The following IGSF1 variants were observed in gnomAD, a reference collection of about 807,000 sequenced individuals.
IGSF1 encodes immunoglobulin superfamily member 1.
A neutral mutation model predicts 95.3 loss-of-function variants in IGSF1; 40 were observed. That is an observed-to-expected ratio of 0.42 (90% CI 0.33 to 0.55). The LOEUF is 0.55. Ranked by LOEUF, IGSF1 falls within the 20% of genes least tolerant of loss-of-function variation. The probability of loss-of-function intolerance (pLI) is 0.10; values close to 1 mark genes in which losing one functional copy is unlikely to be tolerated. For synonymous variants in IGSF1, 372 were observed against 382.9 expected (o/e 0.97, Z 0.33); for missense variants, 906 against 1,025.4 (o/e 0.88, Z 1.59).
At chrX:131,279,422 T>C (rs2124102950) in intron 9 of IGSF1, 81 bp from the exon 10 acceptor site, 1 of 777,755 alleles carries the variant, frequency 1.3e-6, no homozygotes, top group Non-Finnish European at 2.0e-6. Context: ...ATTTATGTCA[T>C]TGGCTTACTC....
intron 1 of IGSF1, 138 bp downstream of exon 1, chrX:131,289,076 G>C (rs5932879): frequency 2.9e-4 from 95 of 324,602 alleles, no homozygotes; most frequent in Non-Finnish European, 4.5e-4. Context: ...TGAAGCGGGT[G>C]GGGGGACAGA....
chrX:131,285,714 A>T (rs2080625078), intron 4 of IGSF1, 53 bp downstream of exon 4: 24 of 1,117,613 alleles, frequency 2.1e-5, no homozygotes, highest in Non-Finnish European at 2.8e-5. Context: ...CCTGGAAGGC[A>T]AGTTTGAATC....
At position 131,276,011 on chromosome X, in the gene IGSF1, A is replaced by G. The variant is rs750861873; in HGVS notation, c.2846T>C (p.Met949Thr). The change falls in exon 15 of 20, where the codon ATG (methionine) becomes ACG (threonine). Residue 949 changes from methionine to threonine, a missense_variant. Around this residue, in one of 5 missense-constraint regions of IGSF1, gnomAD observed 411 missense variants for 494.9 expected, o/e 0.83. Coordinates refer to ENST00000361420, the MANE Select transcript of IGSF1 (RefSeq NM_001555.5). ...NYSCIYYETT[M>T]SNRGSYLSMP... is the part of the protein sequence containing the mutation. ...ACTGAGATATGACCCCCTGTTTGAC[A>G]TGGTTGTCTCATAGTAGATACAGCT... The G allele has an allele frequency of 8.3e-7, 1 of 1,209,216 alleles. No individual in the cohort carries two copies. The highest frequency in any genetic ancestry group is 1.8e-5 in the African/African-American group (1 of 57,103).
At position 131,279,080 on chromosome X, in the gene IGSF1, C is replaced by T. The variant is rs759383786; in HGVS notation, c.1750+63G>A. The T allele has an allele frequency of 2.5e-5, 27 of 1,075,146 alleles. No homozygotes were observed. In the East Asian group the frequency reaches 4.2e-4, roughly 17 times the overall value. The allele number at this position is 1,075,146 out of a possible 1,213,427, so 88.6% of individuals were successfully genotyped here. A position where few individuals can be genotyped will look rare whatever the true frequency, so the allele number is the denominator to read the frequency against. ...GCCACTCCCTGGCCAATGACACTGACGCTCTGTAGTTATTTCGGATCTCCA... is the reference window on the plus strand; with the variant it reads ...GCCACTCCCTGGCCAATGACACTGATGCTCTGTAGTTATTTCGGATCTCCA... On this transcript the variant is annotated intron_variant, in intron 11 of 19. Transcript: ENST00000361420.
At position 131,289,118 on chromosome X, in the gene IGSF1, T is replaced by C. The variant is rs189932180; in HGVS notation, c.-68+96A>G. The C allele has an allele frequency of 2.4e-4, 87 of 360,064 alleles. 1 individual carries two copies. Among genetic ancestry groups the C allele is most frequent in the African/African-American group, 2.1e-3 (82 of 38,816 alleles). 29.7% of individuals were successfully genotyped at this position (360,064 alleles called of 1,213,427 possible). On this transcript the variant is annotated intron_variant, in intron 1 of 19. Coordinates refer to ENST00000361420, the MANE Select transcript of IGSF1 (RefSeq NM_001555.5). ...AGCAGTTTGATTTACGGCAATTAAT[T>C]ACAGCAAGGAGACTCTTTCGGGGTT...
At position 131,278,359 on chromosome X, in the gene IGSF1, G is replaced by A. The variant is rs151019604; in HGVS notation, c.2041+102C>T. Reference sequence around the variant, plus strand: ...TCCTACATGCAGCACGAGCCCCTTGGGCTCCAGGGTCCCTGTGAGTTCATT... The same window carrying A: ...TCCTACATGCAGCACGAGCCCCTTGAGCTCCAGGGTCCCTGTGAGTTCATT... On this transcript the variant is annotated intron_variant, in intron 12 of 19. Transcript: ENST00000361420. 3,179 of 836,029 alleles carry A rather than the reference G, an allele frequency of 3.8e-3. 114 individuals carry two copies. In the Admixed American group the frequency reaches 0.085, roughly 22 times the overall value. 68.9% of individuals were successfully genotyped at this position (836,029 alleles called of 1,213,427 possible). A position where few individuals can be genotyped will look rare whatever the true frequency, so the allele number is the denominator to read the frequency against.
At chrX:131,278,881 TTTCC>T (rs769264181) in intron 11 of IGSF1, 130 bp from the exon 12 acceptor site, 14 of 641,173 alleles carry the variant, frequency 2.2e-5, no homozygotes, top group Non-Finnish European at 3.1e-5. Context: ...CCTTTCCTTC[TTTCC>T]TTCCTTCCTC....
At position 131,286,643 on chromosome X, in the gene IGSF1, G is replaced by A. The variant is rs765682114; in HGVS notation, c.32C>T (p.Thr11Ile). Residue 11 changes from threonine to isoleucine, a missense_variant, in exon 2 of 20, where the codon ACC (threonine) becomes ATC (isoleucine). Physicochemically the swap from Thr to Ile is moderately conservative, Grantham distance 89. Transcript: ENST00000361420. ...CAAAACAGTGAATGTCTTCAGCATG[G>A]TGGCCCCCTCCCCTGGTCTGTCCAG... MTLDRPGEGA[T>I]MLKTFTVLLF... 3.4e-5 allele frequency: 41 copies of A among 1,202,636 alleles called. No homozygotes were observed. In the East Asian group the frequency reaches 1.2e-3, roughly 35 times the overall value.
At chrX:131,279,672 A>G (rs2080528365) in intron 9 of IGSF1, among the ~76,000 whole-genome samples, 1 of 107,168 alleles carries the variant, frequency 9.3e-6, no homozygotes, top group African/African-American at 3.4e-5. Context: ...TATTATTTGG[A>G]GCTCTCAGAA....
chrX:131,284,991 C>T, intron 5 of IGSF1, 188 bp downstream of exon 5: 1 of 811,980 alleles, frequency 1.2e-6, no homozygotes, highest in Non-Finnish European at 1.6e-6. Flanking sequence ...GATTGGCTCC[C>T]ATACATCTGC....
chrX:131,281,306 C>T lies in IGSF1; in HGVS notation c.1558G>A (p.Ala520Thr), dbSNP rs758546152. Residue 520 changes from alanine to threonine, a missense_variant, in exon 9 of 20, where the codon GCT becomes ACT. Ala to Thr is a moderately conservative substitution (Grantham distance 58, BLOSUM62 0). Coordinates refer to ENST00000361420, the MANE Select transcript of IGSF1 (RefSeq NM_001555.5). ...TGCATGATTAGAGACAACCTGATAGCTTCATTCAGAACGTAATTCCAGGTG... is the reference window on the plus strand; with the variant it reads ...TGCATGATTAGAGACAACCTGATAGTTTCATTCAGAACGTAATTCCAGGTG... ...YLTWNYVLNEAIRLSLIMQLV... is the reference protein window; with the variant it reads ...YLTWNYVLNETIRLSLIMQLV... 118 of 1,209,252 alleles carry T rather than the reference C, an allele frequency of 9.8e-5. No homozygotes were observed. The highest frequency in any genetic ancestry group is 1.3e-4 in the Non-Finnish European group (117 of 894,533).
At chrX:131,286,406 G>C (rs752060853) in intron 3 of IGSF1, 31 bp downstream of exon 3, 2 of 1,144,586 alleles carry the variant, frequency 1.7e-6, no homozygotes, top group South Asian at 1.8e-5. Flanking sequence ...CCTTTAGGAA[G>C]GAGGTGCCTG....
rs1189031149 is a variant in IGSF1 at position 131,282,944 on chromosome X, C to A, written c.952+36G>T. On this transcript the variant is annotated intron_variant, in intron 6 of 19. Transcript: ENST00000361420. The stretch of plus-strand genomic sequence containing the variant: ...ACAGAGGGAGATTTATATCCTTAGC[C>A]GTTAACCTAAGTTTCATGGCATACC... 8.0e-6 allele frequency: 9 copies of A among 1,122,555 alleles called. No homozygotes were observed. The South Asian group carries it at 1.7e-4, about 21-fold the overall frequency. The allele number at this position is 1,122,555 out of a possible 1,213,427, so 92.5% of individuals were successfully genotyped here. A position where few individuals can be genotyped will look rare whatever the true frequency, so the allele number is the denominator to read the frequency against.
chrX:131,277,005 T>C lies in IGSF1; in HGVS notation c.2542A>G (p.Ser848Gly). Reference sequence around the variant, plus strand: ...ATAGAAAAGTCATAATATCGGCAGCTGTAATTCCCTCCATCACCAATGCCC... The same window carrying C: ...ATAGAAAAGTCATAATATCGGCAGCCGTAATTCCCTCCATCACCAATGCCC... ...SVGIGDGGNY[S>G]CRYYDFSIWS... Residue 848 changes from serine to glycine, a missense_variant, in exon 14 of 20, where the codon AGC becomes GGC. Physicochemically the swap from Ser to Gly is moderately conservative, Grantham distance 56 (BLOSUM62 0). Transcript: ENST00000361420. 1 of 1,210,902 alleles carries C rather than the reference T, an allele frequency of 8.3e-7. No homozygotes were observed. The highest frequency in any genetic ancestry group is 1.1e-6 in the Non-Finnish European group (1 of 894,873).
At chrX:131,287,497 C>T (rs1300090385) in intron 1 of IGSF1, among the ~76,000 whole-genome samples, 2 of 110,718 alleles carry the variant, frequency 1.8e-5, no homozygotes, top group African/African-American at 3.3e-5. Context: ...TCATTCTTGT[C>T]TCCTACCCCT....
At position 131,286,625 on chromosome X, in the gene IGSF1, G is replaced by A. The variant is rs755509233; in HGVS notation, c.50C>T (p.Thr17Ile). ...CTCACGAATGCAAAAGAGCAAAACAGTGAATGTCTTCAGCATGGTGGCCCC... is the reference window on the plus strand; with the variant it reads ...CTCACGAATGCAAAAGAGCAAAACAATGAATGTCTTCAGCATGGTGGCCCC... The part of the protein sequence containing the change: ...GEGATMLKTF[T>I]VLLFCIRMSL... Residue 17 changes from threonine to isoleucine, a missense_variant, in exon 2 of 20, where the codon ACT becomes ATT. Around this residue, in one of 5 missense-constraint regions of IGSF1, gnomAD observed 442 missense variants for 448.1 expected, o/e 0.99. Transcript: ENST00000361420. 1 of 1,207,116 alleles carries A rather than the reference G, an allele frequency of 8.3e-7. No homozygotes were observed. The highest frequency in any genetic ancestry group is 1.1e-6 in the Non-Finnish European group (1 of 893,698).
Position 131,284,178 on chromosome X carries a change from A to G in IGSF1, c.668-914T>C, listed in dbSNP as rs1036674168. 8.1e-6 allele frequency: 4 copies of G among 494,598 alleles called. No homozygotes were observed. The African/African-American group carries it at 1.0e-4, about 13-fold the overall frequency. The allele number at this position is 494,598 out of a possible 1,213,427, so 40.8% of individuals were successfully genotyped here. The stretch of plus-strand genomic sequence containing the variant: ...TATACTAACAAAATTAATATCTACC[A>G]TTTATTGAGAACTTATATGCCAGGC... On this transcript the variant is annotated intron_variant, in intron 5 of 19. Coordinates refer to ENST00000361420, the MANE Select transcript of IGSF1 (RefSeq NM_001555.5).
chrX:131,276,803 T>G (rs1463959752), intron 14 of IGSF1, 136 bp downstream of exon 14: 1 of 571,589 alleles, frequency 1.7e-6, no homozygotes, highest in Non-Finnish European at 2.8e-6. Context: ...CATGGACTGG[T>G]CACTATGGGC....
chrX:131,278,386 CCTCA>C, intron 12 of IGSF1, 71 bp downstream of exon 12: 1 of 981,106 alleles, frequency 1.0e-6, no homozygotes, highest in Non-Finnish European at 1.4e-6. Flanking sequence ...GAGTTCATTC[CCTCA>C]CTCCCAGGAG....
Sources: gnomAD v4.1 joint callset for allele counts (sites outside exome capture counted in the v4.1 genomes callset) on GRCh38, gnomAD v4.1.1 for gene constraint, gnomAD v4.1.1 regional missense constraint, MANE v1.5 for transcripts, NCBI Gene and HGNC (gene_info 2026-07-23, HGNC 2026-07-21) for gene names.